The following NOX1 variants were observed in gnomAD, a reference collection of about 807,000 sequenced individuals.
NOX1 encodes the protein NADH/NADPH mitogenic oxidase subunit P65-MOX.
Under a neutral mutation model 42.5 loss-of-function variants are expected in NOX1, and 34 were observed. The ratio of observed to expected loss-of-function variants is 0.80; its 90% CI spans 0.61 to 1.07. The LOEUF is 1.07. Ranked by LOEUF, NOX1 falls within the 50% of genes least tolerant of loss-of-function variation. The pLI is 0.00. For missense variants in NOX1, 408 were observed against 427.0 expected (o/e 0.96, Z 0.39); for synonymous variants, 143 against 152.5 (o/e 0.94, Z 0.46).
intron 7 of NOX1, among the ~76,000 whole-genome samples, chrX:100,851,902 G>A (rs1328037125): frequency 3.0e-5 from 3 of 98,727 alleles, no homozygotes; most frequent in Non-Finnish European, 6.1e-5. Flanking sequence ...GGGCAACAGA[G>A]CAAGACACTG....
Position 100,843,456 on chromosome X carries a change from T to G in NOX1, c.*496A>C, listed in dbSNP as rs1052701235. 1 of 1,102,743 alleles carries G rather than the reference T, an allele frequency of 9.1e-7. No individual in the cohort carries two copies. The highest frequency in any genetic ancestry group is 1.9e-5 in the African/African-American group (1 of 52,340). 90.9% of individuals were successfully genotyped at this position (1,102,743 alleles called of 1,213,427 possible). ...TTGGTGTTATATGGGGATGGGGTTC[T>G]CGGTAATTTTGTTTATTATTTATGT... On this transcript the variant is annotated 3_prime_UTR_variant, in exon 13 of 13. Coordinates refer to ENST00000372966, the MANE Select transcript of NOX1 (RefSeq NM_007052.5).
intron 2 of NOX1, among the ~76,000 whole-genome samples, chrX:100,866,377 C>T (rs1365797219): frequency 9.0e-6 from 1 of 110,670 alleles, no homozygotes; most frequent in African/African-American, 3.3e-5. Context: ...TACCAAAAAA[C>T]AGCAAATTTT....
Position 100,870,720 on chromosome X carries a change from C to G in NOX1, c.140G>C (p.Gly47Ala), listed in dbSNP as rs1248396023. 3 of 1,119,147 alleles carry G rather than the reference C, an allele frequency of 2.7e-6. No homozygotes were observed. Among genetic ancestry groups the G allele is most frequent in the Non-Finnish European group, 2.5e-6 (2 of 816,263 alleles). The allele number at this position is 1,119,147 out of a possible 1,213,427, so 92.2% of individuals were successfully genotyped here. ...ATCCGTGACAACCGTGATACTCACCCCAAGGATTTTTCTTGTGTAGTAGTA... is the reference window on the plus strand; with the variant it reads ...ATCCGTGACAACCGTGATACTCACCGCAAGGATTTTTCTTGTGTAGTAGTA... ...DKYYYTRKIL[G>A]STLACARASA... Residue 47 changes from glycine (G) to alanine (A), a missense_variant and splice_region_variant, in exon 2 of 13, where the codon GGG (glycine) becomes GCG (alanine). By Grantham distance (60) the Gly-to-Ala change is moderately conservative. Transcript: ENST00000372966.
intron 2 of NOX1, among the ~76,000 whole-genome samples, chrX:100,864,984 G>T (rs1197884319): frequency 8.9e-6 from 1 of 112,499 alleles, no homozygotes; most frequent in Non-Finnish European, 1.9e-5. Context: ...GCACAAAATT[G>T]ATTTTTCCTT....
chrX:100,849,188 C>T, intron 11 of NOX1, 92 bp downstream of exon 11: 1 of 970,390 alleles, frequency 1.0e-6, no homozygotes, highest in Non-Finnish European at 1.4e-6. Flanking sequence ...GGTAGGAAAT[C>T]ATAAGAAATA....
In NOX1 at chrX:100,849,169, G is replaced by T. The variant is rs890670779; in HGVS notation, c.1443+111C>A. 2.1e-5 allele frequency: 17 copies of T among 813,379 alleles called. No individual in the cohort carries two copies. In the Admixed American group the frequency reaches 5.0e-4, roughly 24 times the overall value. The allele number at this position is 813,379 out of a possible 1,213,427, so 67.0% of individuals were successfully genotyped here. ...ACCACTTTTAAACTTGTGTGTGAGT[G>T]TGAGGGCAGGTAGGAAATCATAAGA... On this transcript the variant is annotated intron_variant, in intron 11 of 12. Coordinates refer to ENST00000372966, the MANE Select transcript of NOX1 (RefSeq NM_007052.5).
chrX:100,851,195 ACT>A (rs760026368), intron 8 of NOX1, 36 bp downstream of exon 8: 2 of 869,515 alleles, frequency 2.3e-6, no homozygotes, highest in Admixed American at 5.2e-5. Context: ...GTAGAAGATA[ACT>A]CTTATCACAG....
Position 100,863,495 on chromosome X carries a change from C to T in NOX1, c.242G>A (p.Gly81Asp). The change falls in exon 3 of 13, where the codon GGC becomes GAC. Residue 81 changes from glycine to aspartate, a missense_variant. By Grantham distance (94) the Gly-to-Asp change is moderately conservative. Transcript: ENST00000372966. ...GTGGTTGGGACTCACTGAGCAGGTG[C>T]CCCTCAGGAAGGACAGCAGATTGCG... ...VCRNLLSFLR[G>D]TCSFCSRTLR... 1 of 1,210,275 alleles carries T rather than the reference C, an allele frequency of 8.3e-7. No individual in the cohort carries two copies. Among genetic ancestry groups the T allele is most frequent in the Non-Finnish European group, 1.1e-6 (1 of 894,947 alleles).
rs113417821 is a variant in NOX1, at chrX:100,865,833, C to T, written c.142-2238G>A. On this transcript the variant is annotated intron_variant, in intron 2 of 12. Coordinates refer to ENST00000372966, the MANE Select transcript of NOX1 (RefSeq NM_007052.5). Reference sequence around the variant, plus strand: ...ACACTAACTTGATGTCATTGAACACCACTGAATGCAGAGTTGGGAAGAGAT... The same window carrying T: ...ACACTAACTTGATGTCATTGAACACTACTGAATGCAGAGTTGGGAAGAGAT... Among the ~76,000 whole-genome samples, 692 of 112,172 alleles carry T rather than the reference C, an allele frequency of 6.2e-3. 8 individuals are homozygous for T. Among genetic ancestry groups the T allele is most frequent in the African/African-American group, 0.021 (643 of 30,899 alleles).
rs182036188 is a variant in NOX1, at chrX:100,874,079, G to T, written c.45+16C>A. ...CTTAATCCTTCCTAATTAATAGGAAGTCAAACATCACTTACCAGAAACAAA... is the reference window on the plus strand; with the variant it reads ...CTTAATCCTTCCTAATTAATAGGAATTCAAACATCACTTACCAGAAACAAA... On this transcript the variant is annotated intron_variant, in intron 1 of 12. Coordinates refer to ENST00000372966, the MANE Select transcript of NOX1 (RefSeq NM_007052.5). The T allele has an allele frequency of 1.7e-6, 2 of 1,143,056 alleles. No individual in the cohort carries two copies. The highest frequency in any genetic ancestry group is 6.0e-5 in the East Asian group (2 of 33,373). 94.2% of individuals were successfully genotyped at this position (1,143,056 alleles called of 1,213,427 possible). A position where few individuals can be genotyped will look rare whatever the true frequency, so the allele number is the denominator to read the frequency against.
At chrX:100,864,372 T>G (rs1443561936) in intron 2 of NOX1, among the ~76,000 whole-genome samples, 1 of 112,695 alleles carries the variant, frequency 8.9e-6, no homozygotes, top group Non-Finnish European at 1.9e-5. Context: ...TATTCTTTTC[T>G]GTATTTTCTA....
Position 100,850,329 on chromosome X carries a change from T to C in NOX1, c.955A>G (p.Met319Val), listed in dbSNP as rs1602382300. ...ELQMNKRGFS[M>V]EVGQYIFVNC... ...ACAAAGATATACTGCCCCACTTCCA[T>C]GCTGAAGCCACGCTTGTTCATCTGC... Residue 319 changes from methionine (M) to valine (V), a missense_variant, in exon 9 of 13, where the codon ATG becomes GTG. Coordinates refer to ENST00000372966, the MANE Select transcript of NOX1 (RefSeq NM_007052.5). The C allele has an allele frequency of 2.5e-6, 3 of 1,207,700 alleles. No homozygotes were observed. The East Asian group carries it at 8.9e-5, about 36-fold the overall frequency.
chrX:100,865,139 T>C (rs1266812272), intron 2 of NOX1, among the ~76,000 whole-genome samples: 3 of 112,127 alleles, frequency 2.7e-5, no homozygotes, highest in African/African-American at 9.7e-5. Flanking sequence ...CCACATGACC[T>C]GTGTTTTCTC....
chrX:100,858,914 G>A (rs1298966298), intron 7 of NOX1, among the ~76,000 whole-genome samples: 1 of 111,416 alleles, frequency 9.0e-6, no homozygotes, highest in African/African-American at 3.3e-5. Flanking sequence ...CTATTTGGAT[G>A]CCTTTTATTT....
rs112620431 is a variant in NOX1 at position 100,870,913 on chromosome X, C to T, written c.46-99G>A. 947 of 535,168 alleles carry T rather than the reference C, an allele frequency of 1.8e-3. 4 individuals carry two copies. In the African/African-American group the frequency reaches 0.02, roughly 11 times the overall value. The allele number at this position is 535,168 out of a possible 1,213,427, so 44.1% of individuals were successfully genotyped here. On this transcript the variant is annotated intron_variant, in intron 1 of 12. Transcript: ENST00000372966. ...GATAGCAATAGTGTCGCCGTTTTGGCTATTTTGTGTTTACCTGTTTTCATT... is the reference window on the plus strand; with the variant it reads ...GATAGCAATAGTGTCGCCGTTTTGGTTATTTTGTGTTTACCTGTTTTCATT...
In NOX1 at chrX:100,843,457, C is replaced by T. The variant is rs893521730; in HGVS notation, c.*495G>A. The T allele has an allele frequency of 4.5e-5, 49 of 1,095,530 alleles. No individual in the cohort carries two copies. Among genetic ancestry groups the T allele is most frequent in the South Asian group, 7.5e-5 (3 of 39,999 alleles). 90.3% of individuals were successfully genotyped at this position (1,095,530 alleles called of 1,213,427 possible). A position where few individuals can be genotyped will look rare whatever the true frequency, so the allele number is the denominator to read the frequency against. ...TGGTGTTATATGGGGATGGGGTTCTCGGTAATTTTGTTTATTATTTATGTT... is the reference window on the plus strand; with the variant it reads ...TGGTGTTATATGGGGATGGGGTTCTTGGTAATTTTGTTTATTATTTATGTT... On this transcript the variant is annotated 3_prime_UTR_variant, in exon 13 of 13. Coordinates refer to ENST00000372966, the MANE Select transcript of NOX1 (RefSeq NM_007052.5).
chrX:100,862,039 T>C (rs1413164666), intron 7 of NOX1, 132 bp downstream of exon 7: 2 of 731,330 alleles, frequency 2.7e-6, no homozygotes, highest in Non-Finnish European at 3.9e-6. Context: ...AGGAACCCCA[T>C]AGATATCCTT....
chrX:100,850,159 T>A lies in NOX1; in HGVS notation c.1125A>T (p.Pro375=). 8.3e-7 allele frequency: 1 copy of A among 1,205,160 alleles called. No individual in the cohort carries two copies. The highest frequency in any genetic ancestry group is 1.1e-6 in the Non-Finnish European group (1 of 889,884). ...LIRAFEQQYS[P]IPRIEVDGPF... is the part of the protein sequence containing the mutation. ...TGGTCTCAAGGACCTACCTGGGAAT[T>A]GGTGAATATTGTTGTTCGAAAGCCC... Residue 375 remains proline (P), a synonymous_variant, in exon 9 of 13, where the codon CCA becomes CCT. Transcript: ENST00000372966.
In NOX1 at chrX:100,848,611, T is replaced by C. The variant is rs1480879555; in HGVS notation, c.1568+19A>G. The C allele has an allele frequency of 1.7e-6, 2 of 1,201,654 alleles. No individual in the cohort carries two copies. The highest frequency in any genetic ancestry group is 2.2e-6 in the Non-Finnish European group (2 of 889,627). ...CACGGCCCCTGTAAACTCATCTTAC[T>C]AGAGGAAAATATACTTACTTGGGGT... On this transcript the variant is annotated intron_variant, in intron 12 of 12. Transcript: ENST00000372966.
Sources: allele counts gnomAD v4.1 joint callset (sites outside exome capture counted in the v4.1 genomes callset), GRCh38; gene constraint gnomAD v4.1.1; transcripts MANE v1.5; gene names NCBI Gene and HGNC (gene_info 2026-07-23, HGNC 2026-07-21).